DIAPH1: variants seen among roughly 807,000 people sequenced by gnomAD.
The protein encoded by DIAPH1 is protein diaphanous homolog 1.
In DIAPH1, 46 loss-of-function variants were observed where a neutral mutation model predicts 140.7. That is an observed-to-expected ratio of 0.33 (90% CI 0.26 to 0.42). The LOEUF (loss-of-function observed/expected upper bound fraction) is 0.42, where lower values mean the gene tolerates loss of function less well. Ranked by LOEUF, DIAPH1 falls within the 10% of genes least tolerant of loss-of-function variation. DIAPH1 has a pLI of 1.00. For missense variants in DIAPH1, 1,310 were observed against 1,558.7 expected (o/e 0.84, Z 2.69); for synonymous variants, 565 against 551.6 (o/e 1.02, Z -0.34).
At chr5:141,571,790 A>G in intron 17 of DIAPH1, 136 bp downstream of exon 17, 1 of 780,980 alleles carries the variant, frequency 1.3e-6, no homozygotes, top group South Asian at 1.4e-5. Context: ...TTTCTTTTGA[A>G]TGGGAAAATC....
intron 7 of DIAPH1, chr5:141,582,103 T>C (rs1465581589): frequency 6.5e-6 from 2 of 306,840 alleles, no homozygotes; most frequent in East Asian, 1.2e-4. Context: ...AGAAACAAAA[T>C]TGAGCCTGTC....
At chr5:141,617,486 AAAC>A (rs1429405485) in intron 1 of DIAPH1, among the ~76,000 whole-genome samples, 4 of 152,180 alleles carry the variant, frequency 2.6e-5, no homozygotes, top group Admixed American at 1.3e-4. Flanking sequence ...CTAGGTCATA[AAAC>A]AACATTTTCT....
At chr5:141,543,402 T>C (rs1488803320) in intron 18 of DIAPH1, among the ~76,000 whole-genome samples, 3 of 152,246 alleles carry the variant, frequency 2.0e-5, no homozygotes, top group Admixed American at 6.5e-5. Context: ...TCAGGGTTTC[T>C]TGTAAGCGTG....
intron 3 of DIAPH1, among the ~76,000 whole-genome samples, chr5:141,585,025 G>A (rs2099897313): frequency 6.6e-6 from 1 of 151,892 alleles, no homozygotes; most frequent in South Asian, 2.1e-4. Flanking sequence ...CACAATCTTG[G>A]CTCACTGCAA....
chr5:141,562,606 C>CAA lies in DIAPH1; in HGVS notation c.2482+8820_2482+8821dup, dbSNP rs754741971. On this transcript the variant is annotated intron_variant, in intron 18 of 27. Transcript: ENST00000389054. ...TTGACTTCTGAACCACTTACCTATG[C>CAA]AAAAAAAAAAAAACAAACAAAAAAA... Among the ~76,000 whole-genome samples, 735 of 76,514 alleles carry CAA rather than the reference C, an allele frequency of 9.6e-3. 23 individuals carry two copies. The highest frequency in any genetic ancestry group is 0.014 in the Non-Finnish European group (507 of 36,814). The allele number at this position is 76,514 out of a possible 152,430, so 50.2% of individuals were successfully genotyped here.
chr5:141,518,205 C>T (rs751618506), intron 27 of DIAPH1, among the ~76,000 whole-genome samples: 19 of 151,490 alleles, frequency 1.3e-4, no homozygotes, highest in Non-Finnish European at 1.9e-4. Flanking sequence ...GATGAAACGT[C>T]CTGGAATTAG....
At chr5:141,539,523 G>A (rs2099889632) in intron 18 of DIAPH1, among the ~76,000 whole-genome samples, 3 of 151,216 alleles carry the variant, frequency 2.0e-5, no homozygotes. Context: ...GCCCACCTCG[G>A]CCTCCCAAAG....
intron 1 of DIAPH1, chr5:141,589,181 T>A (rs2099897992): frequency 6.5e-6 from 1 of 153,366 alleles, no homozygotes; most frequent in South Asian, 1.9e-4. Context: ...AGTTTTACAC[T>A]ACTCCCAAGA....
At chr5:141,547,370 C>T (rs939624970) in intron 18 of DIAPH1, among the ~76,000 whole-genome samples, 8 of 152,092 alleles carry the variant, frequency 5.3e-5, no homozygotes, top group East Asian at 1.9e-4. Flanking sequence ...GAGGCTGAGG[C>T]AGGAGAATGG....
intron 18 of DIAPH1, among the ~76,000 whole-genome samples, chr5:141,548,365 G>C (rs1416941776): frequency 6.6e-6 from 1 of 150,678 alleles, no homozygotes; most frequent in African/African-American, 2.4e-5. Flanking sequence ...ATTAGCAGCA[G>C]ACCTGAACTA....
chr5:141,611,431 C>T (rs761904957), intron 1 of DIAPH1, among the ~76,000 whole-genome samples: 6 of 152,110 alleles, frequency 3.9e-5, no homozygotes, highest in African/African-American at 1.2e-4. Flanking sequence ...TGGTGACACA[C>T]GCCTGTAGTC....
chr5:141,544,981 AAACTGGATACAACCC>A (rs921326452), intron 18 of DIAPH1, among the ~76,000 whole-genome samples: 3 of 152,332 alleles, frequency 2.0e-5, no homozygotes, highest in Admixed American at 6.5e-5. Context: ...TAATTGCCAA[AAACTGGATACAACCC>A]AGATGTCCAT....
chr5:141,618,671 G>A (rs1261802340), intron 1 of DIAPH1, 127 bp downstream of exon 1: 6 of 630,824 alleles, frequency 9.5e-6, no homozygotes, highest in Admixed American at 5.4e-5. Context: ...GCTGCGGACC[G>A]AGCGAAACGA....
chr5:141,524,549 A>G (rs2099887018), intron 26 of DIAPH1: 3 of 417,712 alleles, frequency 7.2e-6, no homozygotes, highest in Non-Finnish European at 1.4e-5. Flanking sequence ...CAAGACCAGG[A>G]TAAGTAGAGA....
intron 12 of DIAPH1, 38 bp from the exon 13 acceptor site, chr5:141,576,909 C>A (rs1413768825): frequency 7.9e-7 from 1 of 1,257,946 alleles, no homozygotes; most frequent in South Asian, 1.2e-5. Flanking sequence ...AAAGGAAAAT[C>A]AAAATATAAT....
chr5:141,520,820 C>A (rs964409199), intron 27 of DIAPH1, among the ~76,000 whole-genome samples: 6 of 152,158 alleles, frequency 3.9e-5, no homozygotes, highest in African/African-American at 7.2e-5. Flanking sequence ...TGAGGGGAAA[C>A]AGGCCTGGAC....
At chr5:141,539,430 G>GTTTTTTTTTTTTTTT (rs374210300) in intron 18 of DIAPH1, among the ~76,000 whole-genome samples, 1 of 131,846 alleles carries the variant, frequency 7.6e-6, no homozygotes, top group Non-Finnish European at 1.6e-5. Context: ...TTTTTTTTTT[G>GTTTTTTTTTTTTTTT]TTTTTTTTTT....
At chr5:141,524,681 GTAC>G (rs1189192566) in intron 26 of DIAPH1, 1 of 269,370 alleles carries the variant, frequency 3.7e-6, no homozygotes, top group Non-Finnish European at 7.3e-6. Flanking sequence ...CTTTCCTGAA[GTAC>G]TGCCTCCAGT....
chr5:141,583,991 T>A, intron 4 of DIAPH1, 133 bp downstream of exon 4: 2 of 669,958 alleles, frequency 3.0e-6, no homozygotes. Flanking sequence ...CAGTAAAAAG[T>A]GAACAGGCTT....
Sources: allele counts gnomAD v4.1 joint callset (sites outside exome capture counted in the v4.1 genomes callset), GRCh38; gene constraint gnomAD v4.1.1; transcripts MANE v1.5; gene names NCBI Gene and HGNC (gene_info 2026-07-23, HGNC 2026-07-21).